ESR1: variants seen among roughly 807,000 people sequenced by gnomAD.
ESR1 encodes the protein estrogen receptor 1.
In ESR1, 12 loss-of-function variants were observed where a neutral mutation model predicts 52.7. The ratio of observed to expected loss-of-function variants is 0.23; its 90% CI spans 0.15 to 0.37. The LOEUF (loss-of-function observed/expected upper bound fraction) is 0.37. ESR1 is among the 10% of genes least tolerant of loss of function. The probability of loss-of-function intolerance (pLI) is 1.00; values close to 1 mark genes in which losing one functional copy is unlikely to be tolerated. For synonymous variants in ESR1, 305 were observed against 316.8 expected (o/e 0.96, Z 0.39); for missense variants, 584 against 779.7 (o/e 0.75, Z 2.99).
chr6:151,932,632 A>G (rs2128489632), intron 3 of ESR1, among the ~76,000 whole-genome samples: 1 of 142,040 alleles, frequency 7.0e-6, no homozygotes, highest in East Asian at 2.0e-4. Flanking sequence ...ATTTTTGTAT[A>G]AGGTGTAAGG....
At chr6:151,736,119 C>G (rs1192553663) in intron 2 of ESR1, among the ~76,000 whole-genome samples, 1 of 152,148 alleles carries the variant, frequency 6.6e-6, no homozygotes, top group Non-Finnish European at 1.5e-5. Context: ...AACAGACTAG[C>G]ATATAATAGA....
At chr6:151,895,477 A>C (rs1406786399) in intron 3 of ESR1, among the ~76,000 whole-genome samples, 1 of 152,132 alleles carries the variant, frequency 6.6e-6, no homozygotes, top group Non-Finnish European at 1.5e-5. Context: ...TTCTCAGAGG[A>C]AATGCTTTCA....
intron 3 of ESR1, among the ~76,000 whole-genome samples, chr6:151,911,921 AT>A (rs765947097): frequency 1.1e-4 from 17 of 152,188 alleles, no homozygotes; most frequent in Non-Finnish European, 2.4e-4. Context: ...ATTGTTGCAC[AT>A]TAATCTACTG....
At chr6:151,670,328 C>T (rs1778006211) in intron 1 of ESR1, among the ~76,000 whole-genome samples, 1 of 152,184 alleles carries the variant, frequency 6.6e-6, no homozygotes, top group South Asian at 2.1e-4. Context: ...CCTTACATTA[C>T]CCGTTTTTCC....
At chr6:151,856,591 G>A (rs1787882645) in intron 2 of ESR1, among the ~76,000 whole-genome samples, 1 of 116,018 alleles carries the variant, frequency 8.6e-6, no homozygotes, top group South Asian at 2.6e-4. Flanking sequence ...TATATACAAC[G>A]TGTTTGGAAG....
chr6:151,944,660 A>G, intron 4 of ESR1, 152 bp downstream of exon 4: 3 of 693,654 alleles, frequency 4.3e-6, no homozygotes, highest in Non-Finnish European at 7.7e-6. Flanking sequence ...CAGTATCAAT[A>G]CACTGTAATT....
chr6:151,725,228 C>T (rs920669497), intron 2 of ESR1, among the ~76,000 whole-genome samples: 6 of 152,076 alleles, frequency 3.9e-5, no homozygotes, highest in Non-Finnish European at 8.8e-5. Flanking sequence ...TTTAGTATAT[C>T]ACTAAATATA....
intron 2 of ESR1, among the ~76,000 whole-genome samples, chr6:151,853,458 A>G (rs566021688): frequency 1.3e-5 from 2 of 152,320 alleles, no homozygotes; most frequent in Admixed American, 6.5e-5. Context: ...TGAAGAACTC[A>G]GAAGAGTTAA....
chr6:151,712,508 G>C (rs1101080), intron 2 of ESR1, among the ~76,000 whole-genome samples: 1 of 151,720 alleles, frequency 6.6e-6, no homozygotes, highest in Non-Finnish European at 1.5e-5. Context: ...GTGTCCTCTC[G>C]TTTTTCCTTG....
chr6:151,975,139 C>T (rs61075252), intron 4 of ESR1, among the ~76,000 whole-genome samples: 4,285 of 152,216 alleles, frequency 0.028, 104 homozygotes, highest in East Asian at 0.11. Flanking sequence ...TTTTGAGGCA[C>T]CTATCTTTCA....
rs2050848421 is a variant in ESR1 at position 152,098,850 on chromosome 6, G to A, written c.1672G>A (p.Ala558Thr). Residue 558 changes from alanine to threonine, a missense_variant, in exon 8 of 8, where the codon GCA (alanine) becomes ACA (threonine). Ala to Thr is a moderately conservative substitution (Grantham distance 58, BLOSUM62 0). This residue lies in a region of ESR1 where 71 missense variants were observed against 66.1 expected (regional missense o/e 1.07). Transcript: ENST00000206249. This position sits in a 1 kb window ranked among gnomAD's most constrained non-coding sequence, Gnocchi z 5.1. ...ACATGCGCCCACTAGCCGTGGAGGG[G>A]CATCCGTGGAGGAGACGGACCAAAG... ...RLHAPTSRGG[A>T]SVEETDQSHL... The A allele has an allele frequency of 1.9e-6, 3 of 1,614,190 alleles. No individual in the cohort carries two copies. The highest frequency in any genetic ancestry group is 2.5e-6 in the Non-Finnish European group (3 of 1,180,026).
intron 3 of ESR1, among the ~76,000 whole-genome samples, chr6:151,904,023 T>A (rs1208783832): frequency 6.6e-6 from 1 of 152,216 alleles, no homozygotes; most frequent in East Asian, 1.9e-4. Context: ...TGGTGATTTA[T>A]GTCAGCGCTT....
chr6:151,680,510 C>A (rs1175597021), intron 1 of ESR1, among the ~76,000 whole-genome samples: 1 of 152,120 alleles, frequency 6.6e-6, no homozygotes, highest in African/African-American at 2.4e-5. Flanking sequence ...AGATGGCCAC[C>A]TTCTCCCTGT....
chr6:152,115,516 A>G (rs1054236701), intron 6 of ESR1, among the ~76,000 whole-genome samples: 1 of 152,194 alleles, frequency 6.6e-6, no homozygotes, highest in Non-Finnish European at 1.5e-5. Flanking sequence ...ACTTTTGCAT[A>G]ATCTTAAAAT....
At chr6:152,042,665 T>G (rs1232580087) in intron 5 of ESR1, among the ~76,000 whole-genome samples, 1 of 152,188 alleles carries the variant, frequency 6.6e-6, no homozygotes, top group Non-Finnish European at 1.5e-5. Context: ...CGTGATTCTT[T>G]GTATAATTTT....
chr6:151,710,329 T>C (rs1187227624), intron 2 of ESR1, among the ~76,000 whole-genome samples: 1 of 152,060 alleles, frequency 6.6e-6, no homozygotes, highest in Non-Finnish European at 1.5e-5. Context: ...ATTACATTTT[T>C]AAAATACTGA....
chr6:151,912,877 C>T (rs1180373602), intron 3 of ESR1, among the ~76,000 whole-genome samples: 1 of 152,018 alleles, frequency 6.6e-6, no homozygotes, highest in Non-Finnish European at 1.5e-5. Flanking sequence ...AATGAGAACA[C>T]ATGGACACAG....
chr6:152,104,628 T>C (rs1244600648), downstream of ESR1, among the ~76,000 whole-genome samples: 1 of 152,250 alleles, frequency 6.6e-6, no homozygotes, highest in Non-Finnish European at 1.5e-5. Flanking sequence ...ATTTGGTCTC[T>C]GGCCCCAGTT....
chr6:151,740,285 A>ATTTTTTTTTTT (rs386408967), intron 2 of ESR1, among the ~76,000 whole-genome samples: 2,479 of 106,980 alleles, frequency 0.023, no homozygotes, highest in Non-Finnish European at 0.03. Context: ...TGCCTGGCTA[A>ATTTTTTTTTTT]TTTTTTTTTT....
Sources: gnomAD v4.1 joint callset for allele counts (sites outside exome capture counted in the v4.1 genomes callset) on GRCh38, gnomAD v4.1.1 for gene constraint, gnomAD v4.1.1 regional missense constraint, Gnocchi (gnomAD v3.1) non-coding constraint, MANE v1.5 for transcripts, NCBI Gene and HGNC (gene_info 2026-07-23, HGNC 2026-07-21) for gene names.